MYBPC1: variants seen among roughly 807,000 people sequenced by gnomAD.
MYBPC1 encodes myosin-binding protein C, slow-type.
MYBPC1 carries 52 observed loss-of-function variants against 147.1 expected under a neutral mutation model. That is an observed-to-expected ratio of 0.35 (90% confidence interval 0.28 to 0.45). MYBPC1 has a LOEUF of 0.45. Ranked by LOEUF, MYBPC1 falls within the 20% of genes least tolerant of loss-of-function variation. MYBPC1 has a pLI of 1.00. For synonymous variants in MYBPC1, 477 were observed against 475.9 expected (o/e 1.00, Z -0.03); for missense variants, 1,228 against 1,440.3 (o/e 0.85, Z 2.39).
intron 15 of MYBPC1, among the ~76,000 whole-genome samples, chr12:101,649,857 C>T (rs187063057): frequency 5.1e-4 from 77 of 152,348 alleles, no homozygotes; most frequent in African/African-American, 1.7e-3. Flanking sequence ...TGCTAGTAGG[C>T]TTCAGAGGCA....
chr12:101,651,702 A>G (rs1265145558), intron 16 of MYBPC1, among the ~76,000 whole-genome samples: 1 of 152,170 alleles, frequency 6.6e-6, no homozygotes, highest in African/African-American at 2.4e-5. Flanking sequence ...ACACTTTGGG[A>G]CGCCAAGGCA....
rs570711769 is a variant in MYBPC1 at position 101,614,095 on chromosome 12, C to T, written c.26-401C>T. 2.6e-5 allele frequency among the ~76,000 whole-genome samples: 4 copies of T among 152,194 alleles called. No homozygotes were observed. The East Asian group carries it at 7.7e-4, about 29-fold the overall frequency. ...CACTTCATCCTAACAGCAGTCCTGC[C>T]CATATAAGATGCGGCCATTTCTCTA... On this transcript the variant is annotated intron_variant, in intron 1 of 31. Coordinates refer to ENST00000361466, the MANE Select transcript of MYBPC1 (RefSeq NM_002465.4).
At chr12:101,661,896 C>CAAAAAAAA (rs66873575) in intron 20 of MYBPC1, among the ~76,000 whole-genome samples, 5 of 83,150 alleles carry the variant, frequency 6.0e-5, no homozygotes, top group Non-Finnish European at 9.3e-5. Context: ...GACTCTGTCT[C>CAAAAAAAA]AAAAAAAAAA....
chr12:101,643,280 C>T (rs1892436419), intron 11 of MYBPC1, among the ~76,000 whole-genome samples: 1 of 152,096 alleles, frequency 6.6e-6, no homozygotes, highest in African/African-American at 2.4e-5. Context: ...TTCTGAACTT[C>T]CTGGAAACTG....
intron 29 of MYBPC1, among the ~76,000 whole-genome samples, chr12:101,681,171 C>A (rs973988867): frequency 2.0e-5 from 3 of 151,988 alleles, no homozygotes; most frequent in African/African-American, 7.3e-5. Flanking sequence ...AGGATTTATG[C>A]GGTTGAAAAG....
At chr12:101,681,607 T>TTA (rs1951000970) in intron 29 of MYBPC1, among the ~76,000 whole-genome samples, 1 of 84,768 alleles carries the variant, frequency 1.2e-5, no homozygotes, top group Non-Finnish European at 2.4e-5. Context: ...TTTTTTTTTT[T>TTA]TTTTTTTTTT....
At chr12:101,611,794 T>G (rs1884366163) in intron 1 of MYBPC1, among the ~76,000 whole-genome samples, 1 of 152,122 alleles carries the variant, frequency 6.6e-6, no homozygotes, top group East Asian at 1.9e-4. Context: ...AATAATCAGC[T>G]CTGGCCGGGC....
intron 1 of MYBPC1, 149 bp downstream of exon 1, chr12:101,595,244 CAGAG>C: frequency 2.6e-6 from 2 of 767,452 alleles, no homozygotes; most frequent in Non-Finnish European, 4.2e-6. Context: ...TTAAACAGAC[CAGAG>C]GAAAAATACA....
Position 101,648,035 on chromosome 12 carries a change from T to C in MYBPC1, c.1091-10T>C. The C allele has an allele frequency of 6.3e-7, 1 of 1,594,136 alleles. No individual in the cohort carries two copies. Among genetic ancestry groups the C allele is most frequent in the Non-Finnish European group, 8.6e-7 (1 of 1,162,096 alleles). On this transcript the variant is annotated splice_polypyrimidine_tract_variant and intron_variant, in intron 13 of 31. Coordinates refer to ENST00000361466, the MANE Select transcript of MYBPC1 (RefSeq NM_002465.4). ...TTTAATGATTCTGATTTCCCCTTTT[T>C]GTATACTAGAGCCTCCAATTATGGT...
At chr12:101,599,496 A>G (rs564694648) in intron 1 of MYBPC1, among the ~76,000 whole-genome samples, 1 of 152,202 alleles carries the variant, frequency 6.6e-6, no homozygotes, top group Non-Finnish European at 1.5e-5. Flanking sequence ...CCATCAGAAA[A>G]GGACCTCCCT....
chr12:101,626,772 T>G, intron 3 of MYBPC1, 100 bp from the exon 4 acceptor site: 1 of 1,003,374 alleles, frequency 1.0e-6, no homozygotes, highest in Non-Finnish European at 1.6e-6. Flanking sequence ...TGAAAGTGTA[T>G]TGTGTGGTTT....
At chr12:101,678,347 A>G in intron 28 of MYBPC1, 109 bp downstream of exon 28, 3 of 1,482,042 alleles carry the variant, frequency 2.0e-6, no homozygotes, top group South Asian at 1.1e-5. Context: ...TCTTCCCAGG[A>G]TGGGGGATTA....
chr12:101,665,324 A>C (rs950144435), intron 22 of MYBPC1, among the ~76,000 whole-genome samples: 3 of 152,000 alleles, frequency 2.0e-5, no homozygotes, highest in Admixed American at 1.3e-4. Context: ...TATTTTCTTT[A>C]TGTGGCTGCC....
rs775682718 is a variant in MYBPC1 at position 101,675,336 on chromosome 12, G to A, written c.2854G>A (p.Gly952Arg). Residue 952 changes from glycine to arginine, a missense_variant, in exon 26 of 32, where the codon GGA becomes AGA. Transcript: ENST00000361466. Reference protein sequence around the residue: ...PQIVKIEDVWGENVALTWTPP... With the variant: ...PQIVKIEDVWRENVALTWTPP... ...AATTGTGAAGATTGAGGATGTCTGG[G>A]GAGAAAATGTCGCTCTCACATGGAC... is the stretch of plus-strand genomic sequence containing the variant. 3.1e-6 allele frequency: 5 copies of A among 1,614,018 alleles called. No individual in the cohort carries two copies. In the African/African-American group the frequency reaches 6.7e-5, roughly 22 times the overall value.
intron 28 of MYBPC1, among the ~76,000 whole-genome samples, chr12:101,679,938 T>C (rs1272922460): frequency 6.6e-6 from 1 of 152,230 alleles, no homozygotes; most frequent in Non-Finnish European, 1.5e-5. Context: ...CTGAACAATA[T>C]GATGATTTGA....
intron 10 of MYBPC1, among the ~76,000 whole-genome samples, chr12:101,638,655 GC>G (rs774085070): frequency 3.9e-5 from 6 of 152,026 alleles, no homozygotes; most frequent in Non-Finnish European, 8.8e-5. Context: ...AGATTATTAA[GC>G]ACCTTGCTCT....
At chr12:101,692,995 A>G in the MYBPC1 span, among the ~76,000 whole-genome samples, 2 of 140,868 alleles carry the variant, frequency 1.4e-5, no homozygotes, top group East Asian at 2.1e-4. Flanking sequence ...CGCCCAGGCT[A>G]GAGTGCAGTG....
At chr12:101,619,227 A>AT (rs145071721) in intron 3 of MYBPC1, among the ~76,000 whole-genome samples, 67 of 144,040 alleles carry the variant, frequency 4.7e-4, no homozygotes, top group African/African-American at 7.4e-4. Context: ...CTGTCAGTCT[A>AT]TTTTTTTTTT....
At chr12:101,648,875 T>A (rs1893797874) in intron 14 of MYBPC1, among the ~76,000 whole-genome samples, 1 of 152,204 alleles carries the variant, frequency 6.6e-6, no homozygotes, top group Admixed American at 6.5e-5. Context: ...CACAGCAGGA[T>A]TTGTAGTAAT....
Sources: gnomAD v4.1 joint callset for allele counts (sites outside exome capture counted in the v4.1 genomes callset) on GRCh38, gnomAD v4.1.1 for gene constraint, MANE v1.5 for transcripts, NCBI Gene and HGNC (gene_info 2026-07-23, HGNC 2026-07-21) for gene names.